The following LARP7 variants were observed in gnomAD, a reference collection of about 807,000 sequenced individuals.
LARP7 encodes the protein La ribonucleoprotein 7, transcriptional regulator, also known as la-related protein 7.
LARP7 carries 52 observed loss-of-function variants against 69.3 expected under a neutral mutation model. The observed-to-expected ratio is 0.75, with a 90% confidence interval of 0.60 to 0.95. LARP7 has a LOEUF of 0.95. Among genes scored for constraint, LARP7 ranks in the 40% least tolerant of loss-of-function variants. The pLI is 0.00. For synonymous variants in LARP7, 254 were observed against 215.9 expected, an observed-to-expected ratio of 1.18 and a Z score of -1.55; for missense variants, 733 against 673.0, an observed-to-expected ratio of 1.09 and a Z score of -0.99.
chr4:112,656,711 G>C (rs759812781), intron 12 of LARP7, among the ~76,000 whole-genome samples: 26 of 152,206 alleles, frequency 1.7e-4, no homozygotes, highest in Non-Finnish European at 3.5e-4. Flanking sequence ...GGGTATGATA[G>C]AGTTCTAAAC....
At position 112,647,601 on chromosome 4, in the gene LARP7, GT is replaced by G. The variant is rs753874572; in HGVS notation, c.997+57del. The G allele has an allele frequency of 2.1e-6, 3 of 1,459,540 alleles. No individual in the cohort carries two copies. In the Admixed American group the frequency reaches 6.9e-5, roughly 34 times the overall value. 90.4% of individuals were successfully genotyped at this position (1,459,540 alleles called of 1,614,324 possible). A position where few individuals can be genotyped will look rare whatever the true frequency, so the allele number is the denominator to read the frequency against. ...AAAACTAATTAATTTTAATTAATTA[GT>G]TTTTAATTAATTAGGTTTTAATTGG... On this transcript the variant is annotated intron_variant, in intron 7 of 12. Coordinates refer to ENST00000344442, the MANE Select transcript of LARP7 (RefSeq NM_016648.4).
chr4:112,641,310 A>C (rs2047951385), intron 1 of LARP7, among the ~76,000 whole-genome samples: 2 of 151,436 alleles, frequency 1.3e-5, no homozygotes, highest in Non-Finnish European at 2.9e-5. Context: ...AATCTCTTGA[A>C]CCCAGAGGGG....
At chr4:112,650,066 G>T in intron 9 of LARP7, 1 of 183,052 alleles carries the variant, frequency 5.5e-6, no homozygotes, top group Non-Finnish European at 1.1e-5. Context: ...TTCAAAATTA[G>T]GATACATTTT....
rs765820560 is a variant in LARP7, at chr4:112,647,481, C to G, written c.929C>G (p.Ser310Ter). 1 of 1,613,540 alleles carries G rather than the reference C, an allele frequency of 6.2e-7. No individual in the cohort carries two copies. The highest frequency in any genetic ancestry group is 8.5e-7 in the Non-Finnish European group (1 of 1,179,766). The change falls in exon 7 of 13, where the codon TCA (serine) becomes TGA (stop). Residue 310 changes from serine (S) to a stop codon, truncating the protein, a stop_gained. Coordinates refer to ENST00000344442, the MANE Select transcript of LARP7 (RefSeq NM_016648.4). LOFTEE classifies it high-confidence loss of function. ...GATGCAGAATCCCTAGCTCCCCGAT[C>G]AAAAGTAAAGAAAATTATTCAGAAA... ...SEDAESLAPR[S>*]KVKKIIQKDI...
rs202188434 is a variant in LARP7 at position 112,654,116 on chromosome 4, C to A, written c.1625C>A (p.Ala542Glu). The change falls in exon 12 of 13, where the codon GCA (alanine) becomes GAA (glutamate). Residue 542 changes from alanine (A) to glutamate (E), a missense_variant. Transcript: ENST00000344442. ...CAGAAGATTTTGGTTGATAGACAGG[C>A]AAAACTTAATCAGCCTCGGGAAAAG... ...YWQKILVDRQ[A>E]KLNQPREKKR... The A allele has an allele frequency of 2.8e-5, 45 of 1,613,660 alleles. No individual in the cohort carries two copies. The highest frequency in any genetic ancestry group is 2.2e-5 in the South Asian group (2 of 91,074).
Position 112,646,945 on chromosome 4 carries a change from A to C in LARP7, c.542A>C (p.Lys181Thr). 1 of 1,604,716 alleles carries C rather than the reference A, an allele frequency of 6.2e-7. No homozygotes were observed. The highest frequency in any genetic ancestry group is 8.5e-7 in the Non-Finnish European group (1 of 1,177,754). ...VEFETKEQAAKAIEFLNNPPE... is the reference protein window; with the variant it reads ...VEFETKEQAATAIEFLNNPPE... ...TTTGAAACAAAAGAACAAGCAGCAAAAGCAATTGAGGTAAGTCCAGATCCT... is the reference window on the plus strand; with the variant it reads ...TTTGAAACAAAAGAACAAGCAGCAACAGCAATTGAGGTAAGTCCAGATCCT... Residue 181 changes from lysine to threonine, a missense_variant, in exon 5 of 13, where the codon AAA becomes ACA. Physicochemically the swap from Lys to Thr is moderately conservative, Grantham distance 78. Coordinates refer to ENST00000344442, the MANE Select transcript of LARP7 (RefSeq NM_016648.4).
In LARP7 at chr4:112,652,938, G is replaced by C. The variant is rs565487373; in HGVS notation, c.1417-139G>C. ...AGAACATGCTTTACAGGAAATATTT[G>C]ATACAGGATATTTGCTCCTCATTAG... On this transcript the variant is annotated intron_variant, in intron 10 of 12. Coordinates refer to ENST00000344442, the MANE Select transcript of LARP7 (RefSeq NM_016648.4). 8.7e-6 allele frequency: 4 copies of C among 461,610 alleles called. No individual in the cohort carries two copies. In the South Asian group the frequency reaches 2.4e-4, roughly 28 times the overall value. The allele number at this position is 461,610 out of a possible 1,614,324, so 28.6% of individuals were successfully genotyped here.
chr4:112,647,010 T>G, intron 5 of LARP7, 24 bp from the exon 6 acceptor site: 1 of 1,584,242 alleles, frequency 6.3e-7, no homozygotes, highest in Non-Finnish European at 8.5e-7. Context: ...AGTATTAAAA[T>G]AGTAACTTTT....
chr4:112,655,048 A>G (rs546673494), intron 12 of LARP7, among the ~76,000 whole-genome samples: 74 of 151,972 alleles, frequency 4.9e-4, no homozygotes, highest in African/African-American at 1.4e-3. Context: ...TTTTTCATCA[A>G]CCTTCTTCTA....
chr4:112,651,074 A>ACTT (rs1379598417), intron 10 of LARP7, among the ~76,000 whole-genome samples: 1 of 152,188 alleles, frequency 6.6e-6, no homozygotes, highest in African/African-American at 2.4e-5. Context: ...TGGTAGCAAT[A>ACTT]CTTTCTATTA....
intron 8 of LARP7, chr4:112,648,586 C>CTTTGG (rs2048511896): frequency 2.0e-6 from 1 of 503,258 alleles, no homozygotes; most frequent in African/African-American, 2.0e-5. Context: ...CTTTGGACTT[C>CTTTGG]AGAGTATTTA....
intron 10 of LARP7, among the ~76,000 whole-genome samples, chr4:112,652,430 G>A (rs2048787895): frequency 6.6e-6 from 1 of 151,518 alleles, no homozygotes; most frequent in Non-Finnish European, 1.5e-5. Context: ...AAAAAAAGTT[G>A]ATTAAGAATG....
At chr4:112,651,509 C>A (rs1463881926) in intron 10 of LARP7, among the ~76,000 whole-genome samples, 3 of 152,120 alleles carry the variant, frequency 2.0e-5, no homozygotes, top group Non-Finnish European at 2.9e-5. Context: ...AATCAGATTG[C>A]AAAACATTTA....
At chr4:112,648,709 G>A (rs982349559) in intron 8 of LARP7, 1 of 337,576 alleles carries the variant, frequency 3.0e-6, no homozygotes, top group African/African-American at 2.2e-5. Context: ...TAAAAGGCAG[G>A]GACTTCAGCC....
chr4:112,641,745 A>C (rs925476909), intron 1 of LARP7, among the ~76,000 whole-genome samples: 1 of 152,214 alleles, frequency 6.6e-6, no homozygotes, highest in African/African-American at 2.4e-5. Flanking sequence ...AGATAGGGAA[A>C]ATTGGTGGGA....
At chr4:112,645,706 G>A in intron 2 of LARP7, 1 of 437,028 alleles carries the variant, frequency 2.3e-6, no homozygotes, top group Non-Finnish European at 4.6e-6. Flanking sequence ...ATTTTTAAGA[G>A]ATATGGGGTC....
Position 112,653,009 on chromosome 4 carries a change from GGAATAGTTTTA to G in LARP7, c.1417-63_1417-53del, listed in dbSNP as rs980611351. The G allele has an allele frequency of 3.2e-6, 4 of 1,235,292 alleles. No homozygotes were observed. In the African/African-American group the frequency reaches 6.1e-5, roughly 19 times the overall value. The allele number at this position is 1,235,292 out of a possible 1,614,324, so 76.5% of individuals were successfully genotyped here. On this transcript the variant is annotated intron_variant, in intron 10 of 12. Coordinates refer to ENST00000344442, the MANE Select transcript of LARP7 (RefSeq NM_016648.4). ...CATAATATATTCTGGCATAACCATT[GGAATAGTTTTA>G]GAATTATTGTGAAACTTTTTAAATT...
intron 10 of LARP7, among the ~76,000 whole-genome samples, chr4:112,651,788 A>G (rs1391727470): frequency 6.6e-6 from 1 of 152,160 alleles, no homozygotes; most frequent in Non-Finnish European, 1.5e-5. Context: ...AAATCAAGAG[A>G]TTAGCCTGAC....
chr4:112,650,421 G>A, intron 9 of LARP7, 40 bp from the exon 10 acceptor site: 7 of 1,607,834 alleles, frequency 4.4e-6, no homozygotes, highest in African/African-American at 1.3e-5. Context: ...GTTGTTAAGT[G>A]TAAGAGATTT....
Sources: gnomAD v4.1 joint callset for allele counts (sites outside exome capture counted in the v4.1 genomes callset) on GRCh38, gnomAD v4.1.1 for gene constraint, MANE v1.5 for transcripts, NCBI Gene and HGNC (gene_info 2026-07-23, HGNC 2026-07-21) for gene names.